The following WLS variants were observed in gnomAD, a reference collection of about 807,000 sequenced individuals.
WLS encodes the protein Wnt ligand secretion mediator, also known as protein wntless homolog.
A neutral mutation model predicts 62.8 loss-of-function variants in WLS; 23 were observed. That is an observed-to-expected ratio of 0.37 (90% confidence interval 0.26 to 0.52). The LOEUF (loss-of-function observed/expected upper bound fraction) is 0.52, where lower values mean the gene tolerates loss of function less well. WLS is among the 20% of genes least tolerant of loss of function. WLS has a pLI of 0.92. For missense variants in WLS, 615 were observed against 697.3 expected, an observed-to-expected ratio of 0.88 and a Z score of 1.33; for synonymous variants, 246 against 244.1, an observed-to-expected ratio of 1.01 and a Z score of -0.07.
intron 1 of WLS, among the ~76,000 whole-genome samples, chr1:68,200,660 T>C (rs1369042624): frequency 6.6e-6 from 1 of 151,676 alleles, no homozygotes; most frequent in African/African-American, 2.4e-5. Flanking sequence ...AGAATGAATA[T>C]AAGCTCCCAA....
intron 1 of WLS, among the ~76,000 whole-genome samples, chr1:68,214,737 C>G (rs1649662139): frequency 6.6e-6 from 1 of 152,168 alleles, no homozygotes; most frequent in South Asian, 2.1e-4. Context: ...CTCAAAGATA[C>G]TTAAGCAAAA....
In WLS at chr1:68,113,018, C is replaced by T. The variant is rs114046049; in HGVS notation, c.1511-14265G>A. The stretch of plus-strand genomic sequence containing the variant: ...CTGCCCACGAACTTGGCTTGGAACG[C>T]CTTGGCCCCATCTTAAAGAAAGCCC... On this transcript the variant is annotated intron_variant, in intron 11 of 11. Coordinates refer to the WLS transcript ENST00000354777. 7.6e-3 allele frequency among the ~76,000 whole-genome samples: 1,161 copies of T among 152,288 alleles called. 15 individuals carry two copies. The highest frequency in any genetic ancestry group is 0.027 in the African/African-American group (1,118 of 41,550).
downstream of WLS, among the ~76,000 whole-genome samples, chr1:68,122,524 T>C (rs148513619): frequency 3.5e-3 from 539 of 152,214 alleles, 4 homozygotes; most frequent in African/African-American, 0.013. Context: ...ATATAGCAAT[T>C]GCATTTTATT....
rs536386124 is a variant in WLS at position 68,137,369 on chromosome 1, C to G, written c.1516+411G>C. Reference sequence around the variant, plus strand: ...GAGCAGAAGAAAAATGAAGCCTATTCCATCTTCAGCTCTCAGGGCCCAGAC... The same window carrying G: ...GAGCAGAAGAAAAATGAAGCCTATTGCATCTTCAGCTCTCAGGGCCCAGAC... On this transcript the variant is annotated intron_variant, in intron 11 of 11. Transcript: ENST00000262348. Among the ~76,000 whole-genome samples the G allele has an allele frequency of 2.0e-5, 3 of 152,238 alleles. No homozygotes were observed. In the East Asian group the frequency reaches 5.8e-4, roughly 29 times the overall value.
intron 2 of WLS, among the ~76,000 whole-genome samples, chr1:68,190,894 C>T (rs1648257754): frequency 6.6e-6 from 1 of 152,060 alleles, no homozygotes; most frequent in Non-Finnish European, 1.5e-5. Context: ...CCCGTCTCTA[C>T]TAAAAATACA....
At chr1:68,165,584 A>C (rs1371663716) in intron 2 of WLS, among the ~76,000 whole-genome samples, 1 of 152,122 alleles carries the variant, frequency 6.6e-6, no homozygotes, top group Non-Finnish European at 1.5e-5. Flanking sequence ...AAAGGCTGCT[A>C]TTTGTTGGAA....
downstream of WLS, among the ~76,000 whole-genome samples, chr1:68,122,454 C>T (rs3736934): frequency 0.32 from 48,097 of 152,068 alleles, 7,644 homozygotes; most frequent in East Asian, 0.45. Flanking sequence ...CTTGTAGGAA[C>T]AATACATAGT....
chr1:68,225,925 T>G (rs907219167), intron 1 of WLS, among the ~76,000 whole-genome samples: 2 of 152,162 alleles, frequency 1.3e-5, no homozygotes, highest in African/African-American at 4.8e-5. Flanking sequence ...TCTCAAACAT[T>G]TGATGGTTAA....
chr1:68,211,018 A>G (rs1338505611), intron 1 of WLS, among the ~76,000 whole-genome samples: 12 of 152,218 alleles, frequency 7.9e-5, no homozygotes, highest in African/African-American at 2.9e-4. Flanking sequence ...GCTTTGGCCT[A>G]AAGACTGCAT....
At chr1:68,117,493 A>G (rs1646307663) in intron 11 of WLS, 1 of 152,432 alleles carries the variant, frequency 6.6e-6, no homozygotes, top group South Asian at 2.1e-4. Context: ...CAATACGGCC[A>G]TCAGCTTCTG....
chr1:68,188,986 A>T (rs1648134298), intron 2 of WLS, among the ~76,000 whole-genome samples: 1 of 152,364 alleles, frequency 6.6e-6, no homozygotes, highest in East Asian at 1.9e-4. Flanking sequence ...GGTTTCAGTT[A>T]GCAGAGGTCA....
rs770437027 is a variant in WLS at position 68,146,054 on chromosome 1, C to G, written c.1135-42G>C. 2.5e-6 allele frequency: 4 copies of G among 1,605,184 alleles called. No homozygotes were observed. In the East Asian group the frequency reaches 8.9e-5, roughly 36 times the overall value. On this transcript the variant is annotated intron_variant, in intron 8 of 11. Transcript: ENST00000262348. ...AAGGAAACAACGGGCTAGCCAAGGC[C>G]AAGTTGAGCCGGGTCCAGGCCCTTC...
chr1:68,126,016 A>T lies in WLS; in HGVS notation c.*210T>A. The T allele has an allele frequency of 2.1e-6, 3 of 1,403,856 alleles. No homozygotes were observed. Among genetic ancestry groups the T allele is most frequent in the Non-Finnish European group, 2.8e-6 (3 of 1,075,724 alleles). The allele number at this position is 1,403,856 out of a possible 1,614,324, so 87.0% of individuals were successfully genotyped here. ...GTGTCATACCAGAGTTTTTGTTATC[A>T]TACACAATGCATTAGTGGCTGCAGG... On this transcript the variant is annotated 3_prime_UTR_variant, in exon 12 of 12. Coordinates refer to ENST00000262348, the MANE Select transcript of WLS (RefSeq NM_024911.7).
At chr1:68,225,116 A>T (rs1171143200) in intron 1 of WLS, among the ~76,000 whole-genome samples, 2 of 151,504 alleles carry the variant, frequency 1.3e-5, no homozygotes, top group African/African-American at 4.8e-5. Context: ...ATAGTCCCCC[A>T]GTCTTCCAAT....
intron 2 of WLS, among the ~76,000 whole-genome samples, chr1:68,192,072 T>C (rs577233478): frequency 6.6e-6 from 1 of 152,298 alleles, no homozygotes; most frequent in South Asian, 2.1e-4. Context: ...AGCCGTAAGT[T>C]CCTTAAAGGA....
chr1:68,102,323 G>A (rs546226632), intron 11 of WLS, among the ~76,000 whole-genome samples: 6 of 152,122 alleles, frequency 3.9e-5, no homozygotes, highest in Non-Finnish European at 7.4e-5. Context: ...CCTAAACAGC[G>A]GGCTCTCTTG....
At chr1:68,155,341 ACAT>A in intron 3 of WLS, 81 bp from the exon 4 acceptor site, 3 of 1,493,780 alleles carry the variant, frequency 2.0e-6, no homozygotes, top group Non-Finnish European at 2.7e-6. Flanking sequence ...TGGATCCATA[ACAT>A]CAATTGTAAG....
intron 2 of WLS, 151 bp downstream of exon 2, chr1:68,193,804 A>C: frequency 1.0e-6 from 1 of 999,434 alleles, no homozygotes; most frequent in Non-Finnish European, 1.5e-6. Context: ...GGGTTAATAC[A>C]GGTAAAGTAC....
At chr1:68,181,069 T>C (rs1238617263) in intron 2 of WLS, among the ~76,000 whole-genome samples, 2 of 152,244 alleles carry the variant, frequency 1.3e-5, no homozygotes, top group African/African-American at 2.4e-5. Flanking sequence ...TGCCTTGCTC[T>C]CATTTAACTT....
Sources: allele counts gnomAD v4.1 joint callset (sites outside exome capture counted in the v4.1 genomes callset), GRCh38; gene constraint gnomAD v4.1.1; transcripts MANE v1.5; gene names NCBI Gene and HGNC (gene_info 2026-07-23, HGNC 2026-07-21).